TTC28: variants seen among roughly 807,000 people sequenced by gnomAD.
TTC28 encodes the protein tetratricopeptide repeat domain 28, also known as tetratricopeptide repeat protein 28.
Under a neutral mutation model 198.0 loss-of-function variants are expected in TTC28, and 61 were observed. The ratio of observed to expected loss-of-function variants is 0.31; its 90% CI spans 0.25 to 0.38. The LOEUF (loss-of-function observed/expected upper bound fraction) is 0.38, where lower values mean the gene tolerates loss of function less well. Among genes scored for constraint, TTC28 ranks in the 10% least tolerant of loss-of-function variants. The pLI is 1.00. For synonymous variants in TTC28, 1,171 were observed against 1,297.8 expected (o/e 0.90, Z 2.10); for missense variants, 2,678 against 3,164.0 (o/e 0.85, Z 3.69).
In TTC28 at chr22:28,083,003, A is replaced by G. The variant is rs193274271; in HGVS notation, c.3932+11077T>C. Among the ~76,000 whole-genome samples the G allele has an allele frequency of 1.6e-3, 246 of 152,126 alleles. 1 individual carries two copies. The highest frequency in any genetic ancestry group is 0.01 in the Middle Eastern group (3 of 292). On this transcript the variant is annotated intron_variant, in intron 12 of 22. Transcript: ENST00000397906. Reference sequence around the variant, plus strand: ...CATTCAAAATGTATTTTACGGAAATATATTTCTATAAATCTGCAAGATTAA... The same window carrying G: ...CATTCAAAATGTATTTTACGGAAATGTATTTCTATAAATCTGCAAGATTAA...
intron 2 of TTC28, among the ~76,000 whole-genome samples, chr22:28,379,777 T>C (rs977292612): frequency 1.3e-5 from 2 of 152,318 alleles, no homozygotes; most frequent in South Asian, 2.1e-4. Context: ...ATGTTATGTG[T>C]ATTTTATCAC....
rs182119350 is a variant in TTC28 at position 28,488,496 on chromosome 22, G to T, written c.381+141056C>A. On this transcript the variant is annotated intron_variant, in intron 2 of 22. Coordinates refer to ENST00000397906, the MANE Select transcript of TTC28 (RefSeq NM_001145418.2). ...CTTGGTAAACCTGCATTATATGAAT[G>T]TAACACTTCACACATTATTATCAAT... 2.0e-5 allele frequency among the ~76,000 whole-genome samples: 3 copies of T among 151,802 alleles called. No homozygotes were observed. The East Asian group carries it at 5.8e-4, about 29-fold the overall frequency.
At position 28,005,039 on chromosome 22, in the gene TTC28, G is replaced by C. The variant is rs1266683600; in HGVS notation, c.4219-3486C>G. On this transcript the variant is annotated intron_variant, in intron 14 of 22. Coordinates refer to ENST00000397906, the MANE Select transcript of TTC28 (RefSeq NM_001145418.2). The surrounding 1 kb of genome is among the most constrained non-coding windows in gnomAD (Gnocchi z 4.9). ...AGAGTCTCCAACAGATTCCATCAAA[G>C]ACTCAGATGTTCTGACCTCTGCAGT... is the stretch of plus-strand genomic sequence containing the variant. Among the ~76,000 whole-genome samples, 1 of 152,168 alleles carries C rather than the reference G, an allele frequency of 6.6e-6. No homozygotes were observed. The highest frequency in any genetic ancestry group is 2.4e-5 in the African/African-American group (1 of 41,420).
chr22:28,524,564 T>C (rs1221828864), intron 2 of TTC28, among the ~76,000 whole-genome samples: 1 of 151,774 alleles, frequency 6.6e-6, no homozygotes, highest in Non-Finnish European at 1.5e-5. Context: ...TCACTTGAGC[T>C]CAGGAGTTCA....
intron 1 of TTC28, among the ~76,000 whole-genome samples, chr22:28,650,360 A>T (rs1393196227): frequency 1.3e-5 from 2 of 152,188 alleles, no homozygotes; most frequent in Non-Finnish European, 2.9e-5. Flanking sequence ...AAATAGCTCA[A>T]AGACAATGAA....
chr22:28,209,399 G>A (rs1037373476), intron 5 of TTC28, among the ~76,000 whole-genome samples: 3 of 152,306 alleles, frequency 2.0e-5, no homozygotes, highest in East Asian at 1.9e-4. Context: ...AAGGGAAGCC[G>A]TGACAGACCG....
At chr22:28,572,087 A>G (rs982122592) in intron 2 of TTC28, among the ~76,000 whole-genome samples, 4 of 151,736 alleles carry the variant, frequency 2.6e-5, no homozygotes, top group African/African-American at 9.7e-5. Flanking sequence ...TAATCCCAAC[A>G]CTTTGGGAGG....
chr22:28,551,367 T>C (rs1484442966), intron 2 of TTC28, among the ~76,000 whole-genome samples: 5 of 152,150 alleles, frequency 3.3e-5, no homozygotes, highest in Non-Finnish European at 7.4e-5. Flanking sequence ...GAATCCTTCC[T>C]AAATCATTCT....
intron 2 of TTC28, among the ~76,000 whole-genome samples, chr22:28,618,574 G>A (rs770322783): frequency 7.3e-5 from 11 of 150,574 alleles, no homozygotes; most frequent in East Asian, 2.0e-4. Context: ...CCCAGCTACT[G>A]GGGAGGCTGA....
rs775119593 is a variant in TTC28 at position 28,183,262 on chromosome 22, G to A, written c.934-19663C>T. On this transcript the variant is annotated intron_variant, in intron 5 of 22. Coordinates refer to ENST00000397906, the MANE Select transcript of TTC28 (RefSeq NM_001145418.2). The stretch of plus-strand genomic sequence containing the variant: ...TTTGGTAGAGATGGGGTCTCACTAC[G>A]TTGCCCAGGCTGGTCTCCAGTCTGG... Among the ~76,000 whole-genome samples the A allele has an allele frequency of 7.2e-5, 11 of 152,054 alleles. No individual in the cohort carries two copies. The South Asian group carries it at 8.3e-4, about 11-fold the overall frequency.
At chr22:28,537,297 A>AACC (rs1569008972) in intron 2 of TTC28, among the ~76,000 whole-genome samples, 1 of 98,172 alleles carries the variant, frequency 1.0e-5, no homozygotes, top group East Asian at 2.2e-4. Flanking sequence ...CGTCTCAAAA[A>AACC]TAAAATAAAA....
chr22:28,630,911 C>A (rs1370938897), intron 1 of TTC28, among the ~76,000 whole-genome samples: 3 of 152,074 alleles, frequency 2.0e-5, no homozygotes, highest in African/African-American at 7.2e-5. Context: ...AAAATACAAA[C>A]ATATATGGAC....
chr22:28,013,526 T>C (rs1484614415), intron 14 of TTC28, among the ~76,000 whole-genome samples: 1 of 152,190 alleles, frequency 6.6e-6, no homozygotes, highest in East Asian at 1.9e-4. Context: ...TTAGACTCTA[T>C]GGTGGAGTCA....
At chr22:28,299,343 T>C (rs1431518098) in intron 3 of TTC28, among the ~76,000 whole-genome samples, 1 of 152,172 alleles carries the variant, frequency 6.6e-6, no homozygotes, top group Non-Finnish European at 1.5e-5. Context: ...TGACTTTGAA[T>C]CTAAAGTCTC....
chr22:28,178,803 T>C (rs1438778151), intron 5 of TTC28, among the ~76,000 whole-genome samples: 1 of 152,210 alleles, frequency 6.6e-6, no homozygotes, highest in Non-Finnish European at 1.5e-5. Flanking sequence ...GAGATAAGGC[T>C]AGACTCAAAG....
intron 1 of TTC28, among the ~76,000 whole-genome samples, chr22:28,632,783 GAGA>G (rs1290950306): frequency 1.3e-5 from 2 of 150,182 alleles, no homozygotes; most frequent in Non-Finnish European, 3.0e-5. Flanking sequence ...AAAAAAAAAG[GAGA>G]AGAAGAAGAA....
At chr22:27,990,159 C>T (rs1937349685) in intron 20 of TTC28, 152 bp from the exon 21 acceptor site, 2 of 1,060,168 alleles carry the variant, frequency 1.9e-6, no homozygotes, top group African/African-American at 3.2e-5. Context: ...CAGGTGCATT[C>T]ATACCTACTG....
intron 5 of TTC28, among the ~76,000 whole-genome samples, chr22:28,237,261 A>C (rs550545003): frequency 1.3e-5 from 2 of 152,058 alleles, no homozygotes; most frequent in Non-Finnish European, 2.9e-5. Context: ...ATTAAACAAT[A>C]ATGTCCTAAC....
chr22:28,409,362 T>G (rs1237246357), intron 2 of TTC28, among the ~76,000 whole-genome samples: 1 of 152,174 alleles, frequency 6.6e-6, no homozygotes, highest in Non-Finnish European at 1.5e-5. Flanking sequence ...CAGAGCTGAC[T>G]ATGTCTATTA....
Sources: allele counts gnomAD v4.1 joint callset (sites outside exome capture counted in the v4.1 genomes callset), GRCh38; gene constraint gnomAD v4.1.1; non-coding constraint Gnocchi (gnomAD v3.1); transcripts MANE v1.5; gene names NCBI Gene and HGNC (gene_info 2026-07-23, HGNC 2026-07-21).